GAS2: variants seen among roughly 807,000 people sequenced by gnomAD.
GAS2 encodes the protein growth arrest-specific protein 2.
A neutral mutation model predicts 37.5 loss-of-function variants in GAS2; 20 were observed. The observed-to-expected ratio is 0.53, with a 90% CI of 0.37 to 0.77. GAS2 has a LOEUF of 0.77. GAS2 is among the 30% of genes least tolerant of loss of function. The pLI, the probability that GAS2 is intolerant of heterozygous loss-of-function variation, is 0.00. For synonymous variants in GAS2, 144 were observed against 132.2 expected (o/e 1.09, Z -0.61); for missense variants, 336 against 373.4 (o/e 0.90, Z 0.82).
chr11:22,674,938 A>G lies in GAS2; in HGVS notation c.69A>G (p.Gln23=). The change falls in exon 2 of 8, where the codon CAA becomes CAG. Residue 23 remains glutamine, a synonymous_variant. Transcript: ENST00000454584. ...TCTCTGATATGCATCAGTATAGCCA[A>G]TGGCTAGCCAGCAGACATGAAGCTA... The part of the protein sequence containing the change: ...PGLSDMHQYS[Q]WLASRHEANL... 1.2e-6 allele frequency: 2 copies of G among 1,613,916 alleles called. No individual in the cohort carries two copies. Among genetic ancestry groups the G allele is most frequent in the Non-Finnish European group, 1.7e-6 (2 of 1,179,866 alleles).
At chr11:22,759,693 GTAACAGAGATTTGGAT>G (rs537276747) in intron 7 of GAS2, among the ~76,000 whole-genome samples, 188 of 152,282 alleles carry the variant, frequency 1.2e-3, no homozygotes, top group African/African-American at 4.0e-3. Context: ...GATTTCTGCA[GTAACAGAGATTTGGAT>G]TAACAGAGAT....
At chr11:22,794,546 TC>T (rs1856337283) in intron 7 of GAS2, among the ~76,000 whole-genome samples, 1 of 152,134 alleles carries the variant, frequency 6.6e-6, no homozygotes, top group African/African-American at 2.4e-5. Flanking sequence ...ATATTACACT[TC>T]CTTTCTTTCT....
At chr11:22,645,520 T>TACACAC (rs375060682) in intron 1 of GAS2, among the ~76,000 whole-genome samples, 2 of 150,404 alleles carry the variant, frequency 1.3e-5, no homozygotes, top group South Asian at 4.2e-4. Flanking sequence ...TATATATATA[T>TACACAC]ACACACACAC....
chr11:22,689,508 C>G (rs745630536), intron 3 of GAS2, among the ~76,000 whole-genome samples: 1 of 151,944 alleles, frequency 6.6e-6, no homozygotes. Context: ...TATTTTTTGC[C>G]TTTTATAGTA....
chr11:22,756,327 T>G (rs548988282), intron 7 of GAS2, among the ~76,000 whole-genome samples: 11 of 152,062 alleles, frequency 7.2e-5, no homozygotes, highest in Non-Finnish European at 1.6e-4. Context: ...AAATGAAAAA[T>G]AGAGATACAT....
At chr11:22,779,640 G>A (rs939100450) in intron 7 of GAS2, among the ~76,000 whole-genome samples, 34 of 151,998 alleles carry the variant, frequency 2.2e-4, no homozygotes, top group African/African-American at 8.0e-4. Context: ...GGAGGTTGCT[G>A]TAAGCCAAGA....
chr11:22,789,322 A>C (rs1855990514), intron 7 of GAS2, among the ~76,000 whole-genome samples: 1 of 138,058 alleles, frequency 7.2e-6, no homozygotes, highest in Admixed American at 7.4e-5. Context: ...ACACACACAC[A>C]CACACACACA....
intron 7 of GAS2, among the ~76,000 whole-genome samples, chr11:22,773,457 G>A (rs898679612): frequency 1.6e-5 from 2 of 125,136 alleles, no homozygotes; most frequent in East Asian, 2.4e-4. Context: ...GCAGTGGTGT[G>A]ATCTCGGCTC....
chr11:22,755,566 A>C (rs1853983976), intron 6 of GAS2: 1 of 263,390 alleles, frequency 3.8e-6, no homozygotes, highest in Non-Finnish European at 7.3e-6. Context: ...GATTATGTAT[A>C]GTCTATAATT....
chr11:22,804,303 GAGATAGGT>G (rs1856795823), intron 7 of GAS2, among the ~76,000 whole-genome samples: 1 of 152,132 alleles, frequency 6.6e-6, no homozygotes, highest in South Asian at 2.1e-4. Context: ...AAAGAACAAT[GAGATAGGT>G]AGCAGGCAAT....
At chr11:22,669,394 T>A (rs1379305615) in intron 1 of GAS2, among the ~76,000 whole-genome samples, 1 of 152,182 alleles carries the variant, frequency 6.6e-6, no homozygotes, top group Admixed American at 6.5e-5. Context: ...CTTTAAAACT[T>A]TAAAATATCC....
chr11:22,652,993 G>GTCTTTCTTTATTTCTTTCTTTCTT (rs1848805951), intron 1 of GAS2, among the ~76,000 whole-genome samples: 1 of 97,036 alleles, frequency 1.0e-5, no homozygotes, highest in Non-Finnish European at 2.0e-5. Context: ...TTCTTTCTTT[G>GTCTTTCTTTATTTCTTTCTTTCTT]TCTTTCTTTC....
chr11:22,810,362 G>T (rs922943268), intron 7 of GAS2, among the ~76,000 whole-genome samples: 1 of 152,078 alleles, frequency 6.6e-6, no homozygotes, highest in South Asian at 2.1e-4. Flanking sequence ...TATCTGGGAG[G>T]CCTGATGGTT....
chr11:22,801,977 G>T (rs1015596466), intron 7 of GAS2, among the ~76,000 whole-genome samples: 4 of 151,978 alleles, frequency 2.6e-5, no homozygotes, highest in Non-Finnish European at 2.9e-5. Flanking sequence ...GATTAAGAAT[G>T]GGAGTGTTTC....
intron 7 of GAS2, among the ~76,000 whole-genome samples, chr11:22,777,731 G>A (rs1855332820): frequency 6.6e-6 from 1 of 152,184 alleles, no homozygotes; most frequent in South Asian, 2.1e-4. Context: ...AAGGTAGGTT[G>A]GGGGCAATTG....
At chr11:22,701,022 AT>A (rs890766855) in intron 3 of GAS2, among the ~76,000 whole-genome samples, 3 of 152,164 alleles carry the variant, frequency 2.0e-5, no homozygotes, top group African/African-American at 7.2e-5. Flanking sequence ...TAGAACCTTT[AT>A]TTTCTATCAG....
At chr11:22,671,169 A>G (rs1270996356) in intron 1 of GAS2, among the ~76,000 whole-genome samples, 2 of 152,022 alleles carry the variant, frequency 1.3e-5, no homozygotes, top group African/African-American at 4.8e-5. Context: ...AAGTCTCATC[A>G]TATTCATAAT....
chr11:22,783,522 C>A (rs1855670903), intron 7 of GAS2, among the ~76,000 whole-genome samples: 2 of 152,102 alleles, frequency 1.3e-5, no homozygotes, highest in Admixed American at 1.3e-4. Context: ...TGCAAAGGCT[C>A]CTTATGACTT....
chr11:22,677,602 C>G (rs559542057), intron 2 of GAS2, among the ~76,000 whole-genome samples: 61 of 152,242 alleles, frequency 4.0e-4, no homozygotes, highest in Admixed American at 3.7e-3. Context: ...TGAGTGTGGT[C>G]ATTTACAAGG....
Sources: gnomAD v4.1 joint callset for allele counts (sites outside exome capture counted in the v4.1 genomes callset) on GRCh38, gnomAD v4.1.1 for gene constraint, MANE v1.5 for transcripts, NCBI Gene and HGNC (gene_info 2026-07-23, HGNC 2026-07-21) for gene names.